Variants in DTNA observed in about 807,000 individuals in gnomAD.
The protein encoded by DTNA is dystrobrevin alpha.
A neutral mutation model predicts 100.7 loss-of-function variants in DTNA; 43 were observed. That is an observed-to-expected ratio of 0.43 (90% CI 0.33 to 0.55). DTNA has a LOEUF of 0.55. DTNA is among the 20% of genes least tolerant of loss of function. The probability of loss-of-function intolerance (pLI) is 0.04; values close to 1 mark genes in which losing one functional copy is unlikely to be tolerated. For missense variants in DTNA, 798 were observed against 953.9 expected (o/e 0.84, Z 2.15); for synonymous variants, 349 against 347.9 (o/e 1.00, Z -0.04).
chr18:34,846,324 A>G (rs527555589), intron 13 of DTNA, among the ~76,000 whole-genome samples: 1 of 152,284 alleles, frequency 6.6e-6, no homozygotes, highest in Non-Finnish European at 1.5e-5. Context: ...AGGATTACTA[A>G]TGGATATGAA....
chr18:34,788,632 T>C (rs1024925887), intron 3 of DTNA, among the ~76,000 whole-genome samples: 2 of 152,194 alleles, frequency 1.3e-5, no homozygotes, highest in Non-Finnish European at 2.9e-5. Flanking sequence ...GAAACCTTTG[T>C]GAAAGATAGC....
At chr18:34,573,901 C>G (rs1248680673) in intron 1 of DTNA, 2 of 152,256 alleles carry the variant, frequency 1.3e-5, no homozygotes, top group South Asian at 2.1e-4. Context: ...TCGAGTTCCA[C>G]TCTTTTAGAT....
At chr18:34,663,370 G>GCC (rs1477851351) in intron 1 of DTNA, among the ~76,000 whole-genome samples, 2 of 151,946 alleles carry the variant, frequency 1.3e-5, no homozygotes, top group Non-Finnish European at 2.9e-5. Flanking sequence ...GTCTTGCTAT[G>GCC]CCCAGACTTG....
At chr18:34,736,187 A>T (rs1375071862) in intron 1 of DTNA, among the ~76,000 whole-genome samples, 1 of 152,204 alleles carries the variant, frequency 6.6e-6, no homozygotes, top group Non-Finnish European at 1.5e-5. Context: ...ACTGATAAGT[A>T]TTATAAAGGA....
intron 1 of DTNA, among the ~76,000 whole-genome samples, chr18:34,648,144 G>A (rs562208232): frequency 4.6e-5 from 7 of 152,300 alleles, no homozygotes; most frequent in South Asian, 4.1e-4. Context: ...CATTTGAGGA[G>A]CTGGAAAACG....
intron 1 of DTNA, among the ~76,000 whole-genome samples, chr18:34,509,079 G>A (rs1254443774): frequency 2.0e-5 from 3 of 151,876 alleles, no homozygotes; most frequent in East Asian, 1.9e-4. Context: ...TTTTGCTTGG[G>A]CGTTTAAATG....
chr18:34,679,494 T>C (rs900982269), intron 1 of DTNA: 1 of 152,196 alleles, frequency 6.6e-6, no homozygotes, highest in South Asian at 2.1e-4. Context: ...AATCCTTGGA[T>C]GAAGTGCTTG....
chr18:34,627,303 C>T (rs1260001195), intron 1 of DTNA, among the ~76,000 whole-genome samples: 2 of 151,972 alleles, frequency 1.3e-5, no homozygotes, highest in Non-Finnish European at 1.5e-5. Context: ...GAATGTGTGA[C>T]AGCTGGGGAA....
intron 3 of DTNA, among the ~76,000 whole-genome samples, chr18:34,774,895 C>T (rs1033788391): frequency 2.0e-5 from 3 of 152,186 alleles, no homozygotes; most frequent in African/African-American, 7.2e-5. Context: ...TATCTCAACC[C>T]AGATTGAATC....
intron 17 of DTNA, chr18:34,867,817 C>G (rs1022028431): frequency 1.0e-6 from 1 of 985,576 alleles, no homozygotes; most frequent in African/African-American, 1.7e-5. Flanking sequence ...CCTCACCTTC[C>G]AGCTCCTCTC....
intron 1 of DTNA, among the ~76,000 whole-genome samples, chr18:34,553,890 A>G (rs1404869956): frequency 6.6e-6 from 1 of 151,804 alleles, no homozygotes; most frequent in Non-Finnish European, 1.5e-5. Context: ...TGAACTTTAA[A>G]GTAGTTTTTT....
intron 1 of DTNA, among the ~76,000 whole-genome samples, chr18:34,628,682 T>C (rs910057797): frequency 3.3e-4 from 51 of 152,348 alleles, no homozygotes; most frequent in African/African-American, 1.2e-3. Flanking sequence ...TCAATGTTTC[T>C]AAAGATATAG....
At chr18:34,645,865 A>C (rs1188235418) in intron 1 of DTNA, among the ~76,000 whole-genome samples, 4 of 152,084 alleles carry the variant, frequency 2.6e-5, no homozygotes, top group African/African-American at 9.7e-5. Context: ...TTTTGAAAAA[A>C]TTGGGTCTTG....
intron 17 of DTNA, chr18:34,867,664 T>A (rs1215360712): frequency 1.0e-6 from 1 of 988,768 alleles, no homozygotes; most frequent in Non-Finnish European, 1.2e-6. Flanking sequence ...CAGCCTTGCT[T>A]TAGCCATTTC....
intron 1 of DTNA, among the ~76,000 whole-genome samples, chr18:34,684,304 C>T (rs572490957): frequency 6.6e-6 from 1 of 152,212 alleles, no homozygotes; most frequent in East Asian, 1.9e-4. Flanking sequence ...CCCTTGCCCC[C>T]CATCCCGCAA....
chr18:34,769,138 GT>G lies in DTNA; in HGVS notation c.148+3101del, dbSNP rs566803907. On this transcript the variant is annotated intron_variant, in intron 3 of 22. Transcript: ENST00000444659. Reference sequence around the variant, plus strand: ...ATTTTGAATGCTTTGCTAAATTAAGGTTTTAAAAATTGTTTCTACCTTCATC... The same window carrying G: ...ATTTTGAATGCTTTGCTAAATTAAGGTTTAAAAATTGTTTCTACCTTCATC... 1.9e-3 allele frequency among the ~76,000 whole-genome samples: 287 copies of G among 152,236 alleles called. 5 individuals are homozygous for G. In the South Asian group the frequency reaches 0.038, roughly 20 times the overall value.
At chr18:34,684,404 T>A (rs1376361667) in intron 1 of DTNA, among the ~76,000 whole-genome samples, 2 of 152,106 alleles carry the variant, frequency 1.3e-5, no homozygotes, top group African/African-American at 4.8e-5. Flanking sequence ...TGGTCTTTGG[T>A]TTTCTGTTCC....
chr18:34,621,557 A>G (rs1257842392), intron 1 of DTNA, among the ~76,000 whole-genome samples: 2 of 132,642 alleles, frequency 1.5e-5, no homozygotes, highest in South Asian at 4.3e-4. Flanking sequence ...CATCATGTTA[A>G]GTGAAATAAG....
In DTNA at chr18:34,877,727, A is replaced by G. The variant is rs1036203330; in HGVS notation, c.1912A>G (p.Arg638Gly). 3 of 1,613,720 alleles carry G rather than the reference A, an allele frequency of 1.9e-6. No individual in the cohort carries two copies. Among genetic ancestry groups the G allele is most frequent in the Non-Finnish European group, 2.5e-6 (3 of 1,179,786 alleles). Residue 638 changes from arginine to glycine, a missense_variant, in exon 19 of 23, where the codon AGA becomes GGA. Physicochemically the swap from Arg to Gly is moderately radical, Grantham distance 125 (BLOSUM62 -2). Coordinates refer to ENST00000444659, the MANE Select transcript of DTNA (RefSeq NM_001386795.1). ...VQEAFAQSSR[R>G]NLRNDLLVAA... ...TTTCTTCTTCCCTGAAGGTTCAAGAAGAAACTTAAGGAATGACTTGCTAGT... is the reference window on the plus strand; with the variant it reads ...TTTCTTCTTCCCTGAAGGTTCAAGAGGAAACTTAAGGAATGACTTGCTAGT...
Sources: gnomAD v4.1 joint callset for allele counts (sites outside exome capture counted in the v4.1 genomes callset) on GRCh38, gnomAD v4.1.1 for gene constraint, MANE v1.5 for transcripts, NCBI Gene and HGNC (gene_info 2026-07-23, HGNC 2026-07-21) for gene names.